The following RPS6KA1 variants were observed in gnomAD, a reference collection of about 807,000 sequenced individuals.
RPS6KA1 encodes the protein ribosomal protein S6 kinase A1.
RPS6KA1 carries 48 observed loss-of-function variants against 91.3 expected under a neutral mutation model. The ratio of observed to expected loss-of-function variants is 0.53; its 90% CI spans 0.42 to 0.67. The LOEUF (loss-of-function observed/expected upper bound fraction) is 0.67. RPS6KA1 is among the 30% of genes least tolerant of loss of function. The probability of loss-of-function intolerance (pLI) is 0.00; values close to 1 mark genes in which losing one functional copy is unlikely to be tolerated. For synonymous variants in RPS6KA1, 359 were observed against 384.7 expected, an observed-to-expected ratio of 0.93 and a Z score of 0.78; for missense variants, 719 against 960.5, an observed-to-expected ratio of 0.75 and a Z score of 3.32.
Position 26,558,852 on chromosome 1 carries a change from G to C in RPS6KA1, c.1130G>C (p.Arg377Pro). 2 of 1,613,698 alleles carry C rather than the reference G, an allele frequency of 1.2e-6. No homozygotes were observed. The highest frequency in any genetic ancestry group is 1.7e-5 in the Admixed American group (1 of 60,012). ...PPSAGAHQLF[R>P]GFSFVATGLM... ...AGCGCTGGGGCCCATCAGCTGTTCC[G>C]GGGCTTCAGCTTCGTGGCCACCGGC... is the stretch of plus-strand genomic sequence containing the variant. Residue 377 changes from arginine to proline, a missense_variant, in exon 14 of 22, where the codon CGG becomes CCG. By Grantham distance (103) the Arg-to-Pro change is moderately radical (BLOSUM62 -2). Coordinates refer to ENST00000374168, the MANE Select transcript of RPS6KA1 (RefSeq NM_002953.4). The surrounding 1 kb of genome is among the most constrained non-coding windows in gnomAD (Gnocchi z 4.0).
In RPS6KA1 at chr1:26,558,979, A is replaced by C. The variant is rs1302451753; in HGVS notation, c.1215+42A>C. On this transcript the variant is annotated intron_variant, in intron 14 of 21. Transcript: ENST00000374168. This position sits in a 1 kb window ranked among gnomAD's most constrained non-coding sequence, Gnocchi z 4.0. Reference sequence around the variant, plus strand: ...GCTGCTGCTCCATTATCCTTTTCTAAAGAATGGCTGAGTACACAGGCTCTG... The same window carrying C: ...GCTGCTGCTCCATTATCCTTTTCTACAGAATGGCTGAGTACACAGGCTCTG... 6.3e-7 allele frequency: 1 copy of C among 1,588,088 alleles called. No homozygotes were observed. The highest frequency in any genetic ancestry group is 8.6e-7 in the Non-Finnish European group (1 of 1,160,720).
chr1:26,542,974 A>G (rs2075960257), intron 2 of RPS6KA1: 10 of 571,680 alleles, frequency 1.7e-5, no homozygotes. Context: ...CCCTGGGGTC[A>G]TGGGCTTGGG....
rs952324955 is a variant in RPS6KA1 at position 26,530,730 on chromosome 1, C to A, written c.63+747C>A. ...AGCCCAGACTCCCCAGACAACCCAG[C>A]TCCTTCTCTCTCAGAAGCAGCTCCT... On this transcript the variant is annotated intron_variant, in intron 1 of 21. Coordinates refer to ENST00000374168, the MANE Select transcript of RPS6KA1 (RefSeq NM_002953.4). 4 of 1,280,472 alleles carry A rather than the reference C, an allele frequency of 3.1e-6. No homozygotes were observed. The African/African-American group carries it at 6.1e-5, about 19-fold the overall frequency. 79.3% of individuals were successfully genotyped at this position (1,280,472 alleles called of 1,614,324 possible). A position where few individuals can be genotyped will look rare whatever the true frequency, so the allele number is the denominator to read the frequency against.
chr1:26,544,971 A>G (rs1570429162), intron 2 of RPS6KA1, among the ~76,000 whole-genome samples: 1 of 151,336 alleles, frequency 6.6e-6, no homozygotes, highest in Non-Finnish European at 1.5e-5. Context: ...CACATTGGGG[A>G]TGAGTCTCTG....
At chr1:26,542,663 G>A (rs2075957468) in intron 2 of RPS6KA1, among the ~76,000 whole-genome samples, 1 of 152,214 alleles carries the variant, frequency 6.6e-6, no homozygotes, top group South Asian at 2.1e-4. Flanking sequence ...GCTGAGCAGG[G>A]CAGGACCGGA....
At position 26,547,176 on chromosome 1, in the gene RPS6KA1, T is replaced by G; in HGVS notation, c.226-13T>G. The G allele has an allele frequency of 1.9e-6, 3 of 1,613,872 alleles. No homozygotes were observed. Among genetic ancestry groups the G allele is most frequent in the Non-Finnish European group, 2.5e-6 (3 of 1,179,850 alleles). The stretch of plus-strand genomic sequence containing the variant: ...TCCCATCTTCTGCCCTGCTTCCTGC[T>G]CTGCCTTCTCAGGTCTTCCTGGTGC... On this transcript the variant is annotated splice_polypyrimidine_tract_variant and intron_variant, in intron 3 of 21. Coordinates refer to ENST00000374168, the MANE Select transcript of RPS6KA1 (RefSeq NM_002953.4). This position sits in a 1 kb window ranked among gnomAD's most constrained non-coding sequence, Gnocchi z 4.1.
intron 17 of RPS6KA1, among the ~76,000 whole-genome samples, chr1:26,569,050 G>C (rs945133443): frequency 6.6e-6 from 1 of 152,066 alleles, no homozygotes; most frequent in Non-Finnish European, 1.5e-5. Context: ...AATTAGCCAG[G>C]CATGGTGGTG....
rs1394026944 is a variant in RPS6KA1 at position 26,554,972 on chromosome 1, C to G, written c.757-179C>G. 1.3e-5 allele frequency among the ~76,000 whole-genome samples: 2 copies of G among 152,214 alleles called. No homozygotes were observed. Among genetic ancestry groups the G allele is most frequent in the Non-Finnish European group, 2.9e-5 (2 of 68,038 alleles). ...CTTCTCCCCAGCCTCGCGCCCCCAC[C>G]GCTGCTCCTGGTGGTCTGGTTGGCA... On this transcript the variant is annotated intron_variant, in intron 9 of 21. Coordinates refer to ENST00000374168, the MANE Select transcript of RPS6KA1 (RefSeq NM_002953.4). This position sits in a 1 kb window ranked among gnomAD's most constrained non-coding sequence, Gnocchi z 4.6.
intron 17 of RPS6KA1, among the ~76,000 whole-genome samples, chr1:26,568,218 T>G (rs1047886295): frequency 1.3e-5 from 2 of 152,308 alleles, no homozygotes; most frequent in African/African-American, 4.8e-5. Context: ...CTGCCTGGCT[T>G]CACTCATTAC....
intron 17 of RPS6KA1, among the ~76,000 whole-genome samples, chr1:26,566,058 A>G (rs2076198952): frequency 6.6e-6 from 1 of 151,380 alleles, no homozygotes; most frequent in Non-Finnish European, 1.5e-5. Context: ...TGCTGTTGTG[A>G]CATTCTATCT....
chr1:26,550,037 G>A (rs1383019334), intron 4 of RPS6KA1, among the ~76,000 whole-genome samples: 2 of 151,818 alleles, frequency 1.3e-5, no homozygotes, highest in African/African-American at 2.4e-5. Flanking sequence ...ACGCCACCAC[G>A]CCTAGCTAAT....
At chr1:26,546,651 C>T (rs183194737) in intron 2 of RPS6KA1, among the ~76,000 whole-genome samples, 10 of 152,370 alleles carry the variant, frequency 6.6e-5, no homozygotes, top group East Asian at 1.9e-4. Flanking sequence ...GCCAGAGCAT[C>T]GTGAGCAATA....
At chr1:26,560,590 A>G (rs1480829290) in intron 14 of RPS6KA1, 136 bp from the exon 15 acceptor site, 1 of 1,101,642 alleles carries the variant, frequency 9.1e-7, no homozygotes, top group East Asian at 2.4e-5. Context: ...ACCTGCGGTC[A>G]CATGGCCAAC....
At position 26,574,431 on chromosome 1, in the gene RPS6KA1, CT is replaced by C. The variant is rs751407416; in HGVS notation, c.*238del. On this transcript the variant is annotated 3_prime_UTR_variant, in exon 22 of 22. Coordinates refer to ENST00000374168, the MANE Select transcript of RPS6KA1 (RefSeq NM_002953.4). The surrounding 1 kb of genome is among the most constrained non-coding windows in gnomAD (Gnocchi z 4.3). Reference sequence around the variant, plus strand: ...GGTGGAAAGCGATTCACTGTATAAACTTTTTTTTATGAAAAAAATGGCATCA... The same window carrying C: ...GGTGGAAAGCGATTCACTGTATAAACTTTTTTTATGAAAAAAATGGCATCA... 2.8e-5 allele frequency: 21 copies of C among 737,586 alleles called. No homozygotes were observed. Among genetic ancestry groups the C allele is most frequent in the Non-Finnish European group, 3.8e-5 (15 of 393,872 alleles). 45.7% of individuals were successfully genotyped at this position (737,586 alleles called of 1,614,324 possible). A position where few individuals can be genotyped will look rare whatever the true frequency, so the allele number is the denominator to read the frequency against.
intron 21 of RPS6KA1, 125 bp from the exon 22 acceptor site, chr1:26,573,950 ACAAC>A: frequency 3.7e-6 from 4 of 1,074,708 alleles, no homozygotes; most frequent in Non-Finnish European, 5.3e-6. Context: ...AAAAAAAAAA[ACAAC>A]AAAAACAAAA....
At chr1:26,550,244 G>A (rs1239308669) in intron 4 of RPS6KA1, among the ~76,000 whole-genome samples, 6 of 143,992 alleles carry the variant, frequency 4.2e-5, no homozygotes, top group Non-Finnish European at 9.0e-5. Context: ...GTGCAGTGGC[G>A]TGATCTCGGC....
chr1:26,532,221 T>C (rs2075873051), intron 1 of RPS6KA1, among the ~76,000 whole-genome samples: 2 of 152,124 alleles, frequency 1.3e-5, no homozygotes, highest in Non-Finnish European at 2.9e-5. Flanking sequence ...CTTAGCCCTG[T>C]TGAAAGCAGT....
intron 7 of RPS6KA1, 151 bp downstream of exon 7, chr1:26,553,648 G>T: frequency 2.1e-6 from 1 of 480,676 alleles, no homozygotes. Context: ...GGGTGGTAGT[G>T]CCAGCTGCCC....
At chr1:26,549,195 C>T (rs1011087431) in intron 4 of RPS6KA1, among the ~76,000 whole-genome samples, 1 of 151,156 alleles carries the variant, frequency 6.6e-6, no homozygotes, top group Non-Finnish European at 1.5e-5. Flanking sequence ...ACCAAAAAAG[C>T]CTTTAGTTTT....
Sources: gnomAD v4.1 joint callset for allele counts (sites outside exome capture counted in the v4.1 genomes callset) on GRCh38, gnomAD v4.1.1 for gene constraint, Gnocchi (gnomAD v3.1) non-coding constraint, MANE v1.5 for transcripts, NCBI Gene and HGNC (gene_info 2026-07-23, HGNC 2026-07-21) for gene names.